Variants in SLC37A3 observed in about 807,000 individuals in gnomAD.
SLC37A3 encodes the protein solute carrier family 37 member 3.
In SLC37A3, 51 loss-of-function variants were observed where a neutral mutation model predicts 67.1. The observed-to-expected ratio is 0.76, with a 90% CI of 0.61 to 0.96. The LOEUF (loss-of-function observed/expected upper bound fraction) is 0.96, where lower values mean the gene tolerates loss of function less well. Among genes scored for constraint, SLC37A3 ranks in the 40% least tolerant of loss-of-function variants. The pLI, the probability that SLC37A3 is intolerant of heterozygous loss-of-function variation, is 0.00. For synonymous variants in SLC37A3, 214 were observed against 231.4 expected (o/e 0.92, Z 0.68); for missense variants, 508 against 603.0 (o/e 0.84, Z 1.65).
chr7:140,369,645 T>C lies in SLC37A3; in HGVS notation c.236A>G (p.Lys79Arg). Residue 79 changes from lysine to arginine, a missense_variant, in exon 4 of 15, where the codon AAA becomes AGA. Lys to Arg is a conservative substitution (Grantham distance 26). Transcript: ENST00000326232. ...CAGTGTGCCGAGGAAAAGAGTCGCT[T>C]TCTCTGCACTGGGGAACAAATGGTT... Reference protein sequence around the residue: ...SSNHLFPSAEKATLFLGTLDT... With the variant: ...SSNHLFPSAERATLFLGTLDT... 1 of 1,614,050 alleles carries C rather than the reference T, an allele frequency of 6.2e-7. No individual in the cohort carries two copies. The highest frequency in any genetic ancestry group is 1.1e-5 in the South Asian group (1 of 91,064).
chr7:140,376,639 T>C (rs1024088450), intron 3 of SLC37A3, among the ~76,000 whole-genome samples: 1 of 152,170 alleles, frequency 6.6e-6, no homozygotes, highest in African/African-American at 2.4e-5. Context: ...CTCACAGACA[T>C]GGAAGGGCTT....
chr7:140,389,326 C>T (rs1212308440), intron 1 of SLC37A3, among the ~76,000 whole-genome samples: 1 of 152,104 alleles, frequency 6.6e-6, no homozygotes, highest in African/African-American at 2.4e-5. Context: ...ACCCTGCACT[C>T]GATAGATCAG....
In SLC37A3 at chr7:140,358,724, C is replaced by T. The variant is rs1170617518; in HGVS notation, c.437G>A (p.Cys146Tyr). 11 of 1,614,168 alleles carry T rather than the reference C, an allele frequency of 6.8e-6. No individual in the cohort carries two copies. The highest frequency in any genetic ancestry group is 1.7e-5 in the Admixed American group (1 of 60,012). Residue 146 changes from cysteine to tyrosine, a missense_variant, in exon 6 of 15, where the codon TGC becomes TAC. By Grantham distance (194) the Cys-to-Tyr change is radical. Transcript: ENST00000326232. ...CAGCAGGCCGTTCACAATCCACAGG[C>T]AGCAGTACAGCCATTTGTTGTAGAA... The part of the protein sequence containing the change: ...LRFYNKWLYC[C>Y]LWIVNGLLQS...
rs1294043425 is a variant in SLC37A3, at chr7:140,355,735, G to A, written c.551C>T (p.Ala184Val). Residue 184 changes from alanine (A) to valine (V), a missense_variant, in exon 7 of 15, where the codon GCC (alanine) becomes GTC (valine). Transcript: ENST00000326232. ...CAAAATGTTGCCCACCGAAGCACAG[G>A]CACTCCAGAGACCAAAAACAACTCC... ...GRGVVFGLWSACASVGNILGA... is the reference protein window; with the variant it reads ...GRGVVFGLWSVCASVGNILGA... 6.2e-7 allele frequency: 1 copy of A among 1,613,702 alleles called. No homozygotes were observed. Among genetic ancestry groups the A allele is most frequent in the Non-Finnish European group, 8.5e-7 (1 of 1,179,896 alleles).
intron 5 of SLC37A3, among the ~76,000 whole-genome samples, chr7:140,362,878 AGC>A (rs1797409621): frequency 1.8e-5 from 1 of 55,900 alleles, no homozygotes; most frequent in Non-Finnish European, 3.8e-5. Flanking sequence ...CTGCCCGGCC[AGC>A]CGCCCCGTCC....
intron 1 of SLC37A3, among the ~76,000 whole-genome samples, chr7:140,393,526 C>T (rs1798802553): frequency 6.6e-6 from 1 of 152,172 alleles, no homozygotes; most frequent in Non-Finnish European, 1.5e-5. Context: ...TGTCCCTGAA[C>T]CCATCAAGCC....
At chr7:140,343,242 CTACATT>C (rs1162131214) in intron 13 of SLC37A3, among the ~76,000 whole-genome samples, 164 bp downstream of exon 13, 1 of 152,164 alleles carries the variant, frequency 6.6e-6, no homozygotes, top group Non-Finnish European at 1.5e-5. Context: ...GAGAGTCCTT[CTACATT>C]AGGACGCATC....
chr7:140,355,552 C>G (rs1342107384), intron 7 of SLC37A3, 116 bp downstream of exon 7: 1 of 955,198 alleles, frequency 1.0e-6, no homozygotes, highest in African/African-American at 1.6e-5. Context: ...TTGCCCTATC[C>G]AGACACAGTT....
chr7:140,350,846 T>A (rs1374234228), intron 9 of SLC37A3, among the ~76,000 whole-genome samples: 2 of 152,174 alleles, frequency 1.3e-5, no homozygotes, highest in African/African-American at 4.8e-5. Context: ...TTGGTCCACA[T>A]ATAATTCTAT....
intron 8 of SLC37A3, chr7:140,351,784 C>G: frequency 1.7e-6 from 1 of 575,652 alleles, no homozygotes; most frequent in South Asian, 2.0e-5. Flanking sequence ...CATCTATGTT[C>G]ATTCCTTGCC....
Position 140,398,523 on chromosome 7 carries a change from C to G in SLC37A3, c.-178G>C, listed in dbSNP as rs1361305974. ...GCCAGCTCACCCCTGGCGGTGCGAC[C>G]AGGGTTTCCGGACGCCCACGTGACC... is the stretch of plus-strand genomic sequence containing the variant. On this transcript the variant is annotated 5_prime_UTR_variant, in exon 1 of 15. Coordinates refer to ENST00000326232, the MANE Select transcript of SLC37A3 (RefSeq NM_207113.3). 4 of 152,120 alleles carry G rather than the reference C, an allele frequency of 2.6e-5. No individual in the cohort carries two copies. The highest frequency in any genetic ancestry group is 5.9e-5 in the Non-Finnish European group (4 of 68,012). 9.4% of individuals were successfully genotyped at this position (152,120 alleles called of 1,614,324 possible).
chr7:140,340,953 A>C (rs753940764), intron 13 of SLC37A3, among the ~76,000 whole-genome samples: 5 of 148,572 alleles, frequency 3.4e-5, no homozygotes, highest in African/African-American at 5.0e-5. Context: ...ATAGAGAGAG[A>C]GAGCCAGGGT....
chr7:140,371,276 A>G (rs1159892227), intron 3 of SLC37A3, among the ~76,000 whole-genome samples: 1 of 152,158 alleles, frequency 6.6e-6, no homozygotes, highest in Non-Finnish European at 1.5e-5. Flanking sequence ...CCTGGGTGCA[A>G]GTGATTCTCC....
intron 1 of SLC37A3, 102 bp from the exon 2 acceptor site, chr7:140,382,698 G>A: frequency 2.0e-6 from 1 of 504,504 alleles, no homozygotes; most frequent in Non-Finnish European, 3.5e-6. Flanking sequence ...GGCCTTGTGG[G>A]AAAAAAATCT....
chr7:140,335,321 G>A lies in SLC37A3; in HGVS notation c.*91C>T, dbSNP rs1251285941. ...CGCCTGACAATCCAAGATCAGGCTG[G>A]AGCTCCTAGACAAACCCAAATTAGG... On this transcript the variant is annotated 3_prime_UTR_variant, in exon 15 of 15. Transcript: ENST00000326232. The A allele has an allele frequency of 1.2e-6, 2 of 1,614,014 alleles. No homozygotes were observed. The highest frequency in any genetic ancestry group is 1.1e-5 in the South Asian group (1 of 91,084).
intron 13 of SLC37A3, among the ~76,000 whole-genome samples, chr7:140,342,027 T>C (rs911543681): frequency 3.3e-5 from 5 of 152,180 alleles, no homozygotes; most frequent in African/African-American, 1.2e-4. Flanking sequence ...AGCATATCAG[T>C]CATTCATTCC....
chr7:140,379,990 G>A (rs1004312796), intron 3 of SLC37A3: 14 of 192,422 alleles, frequency 7.3e-5, no homozygotes, highest in Admixed American at 2.4e-4. Context: ...AAAAGATAAT[G>A]TGCAAAATCT....
At chr7:140,342,788 A>G (rs1208785886) in intron 13 of SLC37A3, among the ~76,000 whole-genome samples, 1 of 152,240 alleles carries the variant, frequency 6.6e-6, no homozygotes, top group Admixed American at 6.5e-5. Context: ...TGTTGAAAAT[A>G]CAGATCTGTA....
At chr7:140,347,371 A>G (rs28508003) in intron 10 of SLC37A3, among the ~76,000 whole-genome samples, 17,194 of 152,198 alleles carry the variant, frequency 0.11, 1,186 homozygotes, top group East Asian at 0.32. Context: ...TTCAAGCAAC[A>G]ATGTCACATA....
Sources: allele counts gnomAD v4.1 joint callset (sites outside exome capture counted in the v4.1 genomes callset), GRCh38; gene constraint gnomAD v4.1.1; transcripts MANE v1.5; gene names NCBI Gene and HGNC (gene_info 2026-07-23, HGNC 2026-07-21).